Variants in KIAA1217 observed in about 807,000 individuals in gnomAD.
The protein encoded by KIAA1217 is sickle tail protein homolog.
Under a neutral mutation model 163.9 loss-of-function variants are expected in KIAA1217, and 88 were observed. That is an observed-to-expected ratio of 0.54 (90% confidence interval 0.45 to 0.64). The LOEUF (loss-of-function observed/expected upper bound fraction) is 0.64. Ranked by LOEUF, KIAA1217 falls within the 30% of genes least tolerant of loss-of-function variation. The probability of loss-of-function intolerance (pLI) is 0.00; values close to 1 mark genes in which losing one functional copy is unlikely to be tolerated. For synonymous variants in KIAA1217, 903 were observed against 923.1 expected, an observed-to-expected ratio of 0.98 and a Z score of 0.39; for missense variants, 2,372 against 2,475.0, an observed-to-expected ratio of 0.96 and a Z score of 0.88.
chr10:23,898,334 T>A (rs913718125), intron 1 of KIAA1217, among the ~76,000 whole-genome samples: 1 of 151,248 alleles, frequency 6.6e-6, no homozygotes, highest in African/African-American at 2.4e-5. Flanking sequence ...CACATATATA[T>A]AATATATATT....
At chr10:24,046,146 A>C (rs1849008701) in intron 2 of KIAA1217, among the ~76,000 whole-genome samples, 1 of 151,972 alleles carries the variant, frequency 6.6e-6, no homozygotes, top group South Asian at 2.1e-4. Flanking sequence ...ACTGTTCTAA[A>C]GAACAACTTT....
chr10:24,085,753 G>A (rs777183434), intron 2 of KIAA1217, among the ~76,000 whole-genome samples: 1 of 151,922 alleles, frequency 6.6e-6, no homozygotes, highest in Non-Finnish European at 1.5e-5. Context: ...CAGGCAGATC[G>A]CTTGAGCCCA....
In KIAA1217 at chr10:23,833,806, A is replaced by G. The variant is rs111693839; in HGVS notation, c.-321+138572A>G. ...CCCTAGATCCTGGAATTTCTATTAG[A>G]TAAGTGATATAACCTCTCAGTCTGT... On this transcript the variant is annotated intron_variant, in intron 1 of 18. Transcript: ENST00000376462. Among the ~76,000 whole-genome samples, 788 of 152,100 alleles carry G rather than the reference A, an allele frequency of 5.2e-3. 10 individuals carry two copies. The highest frequency in any genetic ancestry group is 0.017 in the African/African-American group (712 of 41,548).
Position 23,993,553 on chromosome 10 carries a change from CTTTTTTTT to C in KIAA1217, c.-320-13659_-320-13652del, listed in dbSNP as rs200437343. On this transcript the variant is annotated intron_variant, in intron 1 of 18. Coordinates refer to the KIAA1217 transcript ENST00000376462. ...AAGAGTTTGGCTCTCCATAGCCCAGCTTTTTTTTTTTTTTTTTTTTGAGACAGAGTCTC... is the reference window on the plus strand; with the variant it reads ...AAGAGTTTGGCTCTCCATAGCCCAGCTTTTTTTTTTTTGAGACAGAGTCTC... Among the ~76,000 whole-genome samples the C allele has an allele frequency of 4.4e-5, 3 of 68,956 alleles. 1 individual carries two copies. Among genetic ancestry groups the C allele is most frequent in the African/African-American group, 1.7e-4 (2 of 11,976 alleles). The allele number at this position is 68,956 out of a possible 152,430, so 45.2% of individuals were successfully genotyped here. A position where few individuals can be genotyped will look rare whatever the true frequency, so the allele number is the denominator to read the frequency against.
In KIAA1217 at chr10:24,546,301, T is replaced by C; in HGVS notation, c.5809T>C (p.Ser1937Pro). ...TGGAAGTTCAAGCAAAGCCACCCCATCCACAGCAAAAGAAACCTCTTAAAG... is the reference window on the plus strand; with the variant it reads ...TGGAAGTTCAAGCAAAGCCACCCCACCCACAGCAAAAGAAACCTCTTAAAG... Reference protein sequence around the residue: ...QNGSSSKATPSTAKETS With the variant: ...QNGSSSKATPPTAKETS The change falls in exon 21 of 21, where the codon TCC (serine) becomes CCC (proline). Residue 1937 changes from serine (S) to proline (P), a missense_variant. Around this residue, in one of 3 missense-constraint regions of KIAA1217, gnomAD observed 690 missense variants for 677.5 expected, o/e 1.02. Coordinates refer to ENST00000376454, the MANE Select transcript of KIAA1217 (RefSeq NM_019590.5). 1 of 1,603,430 alleles carries C rather than the reference T, an allele frequency of 6.2e-7. No homozygotes were observed. Among genetic ancestry groups the C allele is most frequent in the South Asian group, 1.1e-5 (1 of 89,686 alleles).
intron 9 of KIAA1217, among the ~76,000 whole-genome samples, chr10:24,503,990 G>A (rs1159253768): frequency 6.6e-6 from 1 of 152,216 alleles, no homozygotes; most frequent in African/African-American, 2.4e-5. Flanking sequence ...CACTTCCCCT[G>A]GGAATTTCAC....
At chr10:23,835,304 A>C (rs1302724755) in intron 1 of KIAA1217, among the ~76,000 whole-genome samples, 2 of 152,200 alleles carry the variant, frequency 1.3e-5, no homozygotes, top group Non-Finnish European at 1.5e-5. Flanking sequence ...TAGTAGAAAA[A>C]AGAATATGAA....
At chr10:24,419,366 AT>A (rs759201548) in intron 3 of KIAA1217, among the ~76,000 whole-genome samples, 2 of 152,086 alleles carry the variant, frequency 1.3e-5, no homozygotes, top group Non-Finnish European at 2.9e-5. Flanking sequence ...TTTTTCTTTA[AT>A]TTTTTGAATG....
intron 1 of KIAA1217, among the ~76,000 whole-genome samples, chr10:23,762,141 A>G (rs1834288417): frequency 6.6e-6 from 1 of 152,076 alleles, no homozygotes; most frequent in Non-Finnish European, 1.5e-5. Context: ...AACAATAACA[A>G]CAAAAAGCCC....
chr10:24,112,737 C>A (rs11013901), intron 2 of KIAA1217, among the ~76,000 whole-genome samples: 33,882 of 151,778 alleles, frequency 0.22, 6,226 homozygotes, highest in African/African-American at 0.51. Context: ...GGCGCTCGCC[C>A]CCATGCCCGG....
At chr10:24,026,009 C>T (rs1314981637) in intron 2 of KIAA1217, among the ~76,000 whole-genome samples, 2 of 151,662 alleles carry the variant, frequency 1.3e-5, no homozygotes, top group African/African-American at 2.4e-5. Context: ...CATTTTCTTG[C>T]TTTATCGTAC....
At chr10:24,440,049 T>G (rs904898178) in intron 5 of KIAA1217, among the ~76,000 whole-genome samples, 2 of 152,320 alleles carry the variant, frequency 1.3e-5, no homozygotes, top group South Asian at 4.1e-4. Flanking sequence ...TGGACTGGAA[T>G]ATGAATGACG....
intron 1 of KIAA1217, among the ~76,000 whole-genome samples, chr10:23,965,840 T>C (rs143966699): frequency 1.5e-3 from 232 of 152,328 alleles, no homozygotes; most frequent in Non-Finnish European, 2.6e-3. Context: ...CCACAGGGTC[T>C]CTGCAGAGTT....
At chr10:24,521,261 C>T (rs906691132) in intron 11 of KIAA1217, among the ~76,000 whole-genome samples, 8 of 151,328 alleles carry the variant, frequency 5.3e-5, no homozygotes, top group African/African-American at 1.2e-4. Flanking sequence ...ACCCAGGAGG[C>T]GGAGGTTACA....
At chr10:24,208,475 T>G (rs77565332), upstream of KIAA1217, among the ~76,000 whole-genome samples, 23 of 152,050 alleles carry the variant, frequency 1.5e-4, no homozygotes, top group East Asian at 4.5e-3. Context: ...AAAGTCCAGA[T>G]TAAGTGATTG....
chr10:24,169,403 C>T (rs1255969473), intron 2 of KIAA1217, among the ~76,000 whole-genome samples: 1 of 93,094 alleles, frequency 1.1e-5, no homozygotes, highest in Admixed American at 1.8e-4. Flanking sequence ...CTGAATAAGA[C>T]CACCATCAGT....
rs181265157 is a variant in KIAA1217 at position 24,168,346 on chromosome 10, A to G, written c.-170-51280A>G. Among the ~76,000 whole-genome samples, 74 of 152,266 alleles carry G rather than the reference A, an allele frequency of 4.9e-4. 1 individual carries two copies. The highest frequency in any genetic ancestry group is 1.3e-4 in the Non-Finnish European group (9 of 68,034). ...AGAAAAACTGAGGCTCCATGAAAGTAGTAACTTGTCTAAGCATGCACAATT... is the reference window on the plus strand; with the variant it reads ...AGAAAAACTGAGGCTCCATGAAAGTGGTAACTTGTCTAAGCATGCACAATT... On this transcript the variant is annotated intron_variant, in intron 2 of 18. Coordinates refer to the KIAA1217 transcript ENST00000376462.
chr10:24,372,025 G>A (rs1031357917), intron 2 of KIAA1217, among the ~76,000 whole-genome samples: 2 of 152,134 alleles, frequency 1.3e-5, no homozygotes, highest in Non-Finnish European at 2.9e-5. Flanking sequence ...TATAAAGATG[G>A]CAATAATAGA....
chr10:23,734,715 A>G (rs1479260752), intron 1 of KIAA1217, among the ~76,000 whole-genome samples: 1 of 152,132 alleles, frequency 6.6e-6, no homozygotes, highest in Non-Finnish European at 1.5e-5. Context: ...CTCCTGCAAC[A>G]TTGTTTCTGT....
Sources: gnomAD v4.1 joint callset for allele counts (sites outside exome capture counted in the v4.1 genomes callset) on GRCh38, gnomAD v4.1.1 for gene constraint, gnomAD v4.1.1 regional missense constraint, MANE v1.5 for transcripts, NCBI Gene and HGNC (gene_info 2026-07-23, HGNC 2026-07-21) for gene names.